The following MXRA8 variants were observed in gnomAD, a reference collection of about 807,000 sequenced individuals.
MXRA8 encodes matrix remodeling associated 8, also known as matrix remodeling-associated protein 8.
In MXRA8, 44 loss-of-function variants were observed where a neutral mutation model predicts 51.4. The ratio of observed to expected loss-of-function variants is 0.86; its 90% CI spans 0.67 to 1.10. MXRA8 has a LOEUF of 1.10. Ranked by LOEUF, MXRA8 falls within the 50% of genes least tolerant of loss-of-function variation. The pLI is 0.00. For missense variants in MXRA8, 765 were observed against 638.9 expected (o/e 1.20, Z -2.13); for synonymous variants, 369 against 293.5 (o/e 1.26, Z -2.63).
In MXRA8 at chr1:1,357,663, C is replaced by T. The variant is rs946623196; in HGVS notation, c.49+793G>A. Among the ~76,000 whole-genome samples, 3 of 152,212 alleles carry T rather than the reference C, an allele frequency of 2.0e-5. No homozygotes were observed. The South Asian group carries it at 6.2e-4, about 32-fold the overall frequency. ...TGTACTAAAAATACAAAAAATTAGCCGGACGGGGTGGTAGTGGGCGCCTAT... is the reference window on the plus strand; with the variant it reads ...TGTACTAAAAATACAAAAAATTAGCTGGACGGGGTGGTAGTGGGCGCCTAT... On this transcript the variant is annotated intron_variant, in intron 1 of 9. Transcript: ENST00000309212.
At chr1:1,362,504 G>T (rs894954961), upstream of MXRA8, among the ~76,000 whole-genome samples, 3 of 152,018 alleles carry the variant, frequency 2.0e-5, no homozygotes, top group Non-Finnish European at 4.4e-5. Flanking sequence ...TCTCGGCCAG[G>T]CAAGATGGTT....
chr1:1,358,161 C>T (rs1644169630), intron 1 of MXRA8, among the ~76,000 whole-genome samples: 4 of 152,322 alleles, frequency 2.6e-5, no homozygotes, highest in Admixed American at 2.0e-4. Context: ...AAACAGAGCC[C>T]CAGCAAGAGG....
Position 1,354,411 on chromosome 1 carries a change from G to A in MXRA8, c.1048C>T (p.Leu350=). Residue 350 remains leucine (L), a synonymous_variant, in exon 6 of 10, where the codon CTG becomes TTG. Transcript: ENST00000309212. ...QQLGYVLATL[L]LFILLLVTVL... ...GTGACCAGTAGCAGGATGAAGAGCA[G>A]CAGCGTGGCCAGCACGTAGCCCAGC... is the stretch of plus-strand genomic sequence containing the variant. 1.9e-6 allele frequency: 3 copies of A among 1,612,440 alleles called. No individual in the cohort carries two copies. The highest frequency in any genetic ancestry group is 2.5e-6 in the Non-Finnish European group (3 of 1,179,874).
chr1:1,362,646 T>C (rs1557689218), upstream of MXRA8, among the ~76,000 whole-genome samples: 2 of 150,790 alleles, frequency 1.3e-5, no homozygotes, highest in African/African-American at 2.4e-5. Flanking sequence ...CCAGGCGTGG[T>C]GGCAGGTGCC....
In MXRA8 at chr1:1,353,339, G is replaced by A. The variant is rs1644040780; in HGVS notation, c.*265C>T. 4 of 1,548,670 alleles carry A rather than the reference G, an allele frequency of 2.6e-6. No homozygotes were observed. The highest frequency in any genetic ancestry group is 2.4e-5 in the East Asian group (1 of 40,910). Reference sequence around the variant, plus strand: ...GGGCAGAGCCCAGAAGGGTCTGAGGGCATGATGGGCATCAGTGGGATTTTG... The same window carrying A: ...GGGCAGAGCCCAGAAGGGTCTGAGGACATGATGGGCATCAGTGGGATTTTG... On this transcript the variant is annotated 3_prime_UTR_variant, in exon 10 of 10. Coordinates refer to ENST00000309212, the MANE Select transcript of MXRA8 (RefSeq NM_032348.4).
rs1473654475 is a variant in MXRA8 at position 1,358,477 on chromosome 1, A to G, written c.28T>C (p.Trp10Arg). ...TCACTCTGCAGAAGCACAAGTTTCC[A>G]AAGCAGGATTCGGGATGGCAGCGCC... MALPSRILL[W>R]KLVLLQSSAV... is the part of the protein sequence containing the mutation. Residue 10 changes from tryptophan (W) to arginine (R), a missense_variant, in exon 1 of 10, where the codon TGG becomes CGG. By Grantham distance (101) the Trp-to-Arg change is moderately radical. Coordinates refer to ENST00000309212, the MANE Select transcript of MXRA8 (RefSeq NM_032348.4). The G allele has an allele frequency of 6.2e-7, 1 of 1,612,372 alleles. No homozygotes were observed.
upstream of MXRA8, chr1:1,359,500 C>T: frequency 2.0e-6 from 2 of 985,476 alleles, no homozygotes; most frequent in Non-Finnish European, 1.2e-6. Flanking sequence ...GTGCATAGTT[C>T]CGCCCGCCCA....
intron 1 of MXRA8, among the ~76,000 whole-genome samples, chr1:1,358,125 C>T (rs914809548): frequency 2.0e-5 from 3 of 152,184 alleles, no homozygotes; most frequent in African/African-American, 7.2e-5. Flanking sequence ...GTTCTCAGGT[C>T]CCCTTCAATC....
chr1:1,359,259 G>T (rs1405808381), upstream of MXRA8: 8 of 985,294 alleles, frequency 8.1e-6, no homozygotes, highest in African/African-American at 5.2e-5. Context: ...CGCCTTTAGG[G>T]TGCAGCCTGG....
rs961177740 is a variant in MXRA8 at position 1,353,505 on chromosome 1, C to A, written c.*99G>T. On this transcript the variant is annotated 3_prime_UTR_variant, in exon 10 of 10. Transcript: ENST00000309212. ...CAAATTCCAGGAAAGCGGGACCAGC[C>A]GCTGGAAGGGGGGTGAGCCCCGGAG... 33 of 1,510,054 alleles carry A rather than the reference C, an allele frequency of 2.2e-5. No individual in the cohort carries two copies. Among genetic ancestry groups the A allele is most frequent in the Middle Eastern group, 2.1e-4 (1 of 4,808 alleles). 93.5% of individuals were successfully genotyped at this position (1,510,054 alleles called of 1,614,324 possible).
upstream of MXRA8, chr1:1,358,857 G>T: frequency 2.9e-6 from 3 of 1,048,878 alleles, no homozygotes; most frequent in Non-Finnish European, 3.4e-6. Flanking sequence ...GTGGTGAAGG[G>T]TTGGGACTGT....
At chr1:1,362,534 C>A (rs1376941756), upstream of MXRA8, among the ~76,000 whole-genome samples, 1 of 151,962 alleles carries the variant, frequency 6.6e-6, no homozygotes, top group African/African-American at 2.4e-5. Context: ...AATCCCAGCA[C>A]TTTGGGAGGC....
intron 1 of MXRA8, among the ~76,000 whole-genome samples, 153 bp from the exon 2 acceptor site, chr1:1,356,857 A>G (rs1181509947): frequency 2.0e-5 from 3 of 151,896 alleles, no homozygotes; most frequent in African/African-American, 2.4e-5. Context: ...ACAGACCTAC[A>G]TAGCCCTCCC....
rs531417136 is a variant in MXRA8 at position 1,354,652 on chromosome 1, C to G, written c.949+30G>C. On this transcript the variant is annotated intron_variant, in intron 5 of 9. Coordinates refer to ENST00000309212, the MANE Select transcript of MXRA8 (RefSeq NM_032348.4). ...AACCCCCGGTGGGGTGGGCTCCCGC[C>G]TTCCCGGGTCCCAGGGAGGCCTCCT... 3.9e-6 allele frequency: 6 copies of G among 1,541,658 alleles called. No homozygotes were observed. The Admixed American group carries it at 1.2e-4, about 31-fold the overall frequency.
chr1:1,353,680 C>T, intron 9 of MXRA8, 51 bp from the exon 10 acceptor site: 3 of 1,534,740 alleles, frequency 2.0e-6, no homozygotes, highest in Non-Finnish European at 2.7e-6. Flanking sequence ...ACCCTCATCA[C>T]AGTGGGAGAC....
intron 9 of MXRA8, 71 bp from the exon 10 acceptor site, chr1:1,353,700 AC>A (rs369865566): frequency 1.3e-5 from 20 of 1,503,188 alleles, no homozygotes; most frequent in Middle Eastern, 1.7e-4. Flanking sequence ...CACAGGGCAG[AC>A]CCCCCCGCAG....
Position 1,355,198 on chromosome 1 carries a change from C to A in MXRA8, c.478+46G>T, listed in dbSNP as rs529558054. ...GCGGCGCGCGGGCCGGGGCGGCGGTCGAGGGTCGAGGGGCGGGAGCTGGGG... is the reference window on the plus strand; with the variant it reads ...GCGGCGCGCGGGCCGGGGCGGCGGTAGAGGGTCGAGGGGCGGGAGCTGGGG... On this transcript the variant is annotated intron_variant, in intron 4 of 9. Transcript: ENST00000309212. 1.4e-5 allele frequency: 15 copies of A among 1,087,192 alleles called. No homozygotes were observed. The African/African-American group carries it at 2.8e-4, about 21-fold the overall frequency. The allele number at this position is 1,087,192 out of a possible 1,614,324, so 67.3% of individuals were successfully genotyped here.
Position 1,355,162 on chromosome 1 carries a change from G to C in MXRA8, c.479-10C>G. 8 of 1,393,130 alleles carry C rather than the reference G, an allele frequency of 5.7e-6. No homozygotes were observed. Among genetic ancestry groups the C allele is most frequent in the Non-Finnish European group, 7.4e-6 (8 of 1,083,012 alleles). 86.3% of individuals were successfully genotyped at this position (1,393,130 alleles called of 1,614,324 possible). On this transcript the variant is annotated splice_polypyrimidine_tract_variant and intron_variant, in intron 4 of 9. Transcript: ENST00000309212. ...GCGGGGGTGGCCGGGGCTGCGGAGG[G>C]GGCGCGGTCAGCGGCGCGCGGGCCG...
upstream of MXRA8, among the ~76,000 whole-genome samples, chr1:1,360,250 GTCTGAGAGGGCCCTGACC>G (rs1169813665): frequency 1.3e-5 from 2 of 152,214 alleles, no homozygotes; most frequent in Non-Finnish European, 1.5e-5. Flanking sequence ...AGAGGCTGTC[GTCTGAGAGGGCCCTGACC>G]TCTGAGAGGG....
Sources: gnomAD v4.1 joint callset for allele counts (sites outside exome capture counted in the v4.1 genomes callset) on GRCh38, gnomAD v4.1.1 for gene constraint, MANE v1.5 for transcripts, NCBI Gene and HGNC (gene_info 2026-07-23, HGNC 2026-07-21) for gene names.